The following AKT3 variants were observed in gnomAD, a reference collection of about 807,000 sequenced individuals.
The protein encoded by AKT3 is AKT serine/threonine kinase 3.
In AKT3, 15 loss-of-function variants were observed where a neutral mutation model predicts 65.3. That is an observed-to-expected ratio of 0.23 (90% CI 0.15 to 0.35). AKT3 has a LOEUF of 0.35. Ranked by LOEUF, AKT3 falls within the 10% of genes least tolerant of loss-of-function variation. The probability of loss-of-function intolerance (pLI) is 1.00; values close to 1 mark genes in which losing one functional copy is unlikely to be tolerated. For missense variants in AKT3, 243 were observed against 576.5 expected (o/e 0.42, Z 5.92); for synonymous variants, 206 against 183.8 (o/e 1.12, Z -0.98).
intron 2 of AKT3, among the ~76,000 whole-genome samples, chr1:243,796,566 C>A (rs1462390351): frequency 6.6e-6 from 1 of 152,180 alleles, no homozygotes; most frequent in Non-Finnish European, 1.5e-5. Context: ...TCTCTGATCC[C>A]ATTTAATACC....
At chr1:243,645,631 C>T (rs1028590015) in intron 5 of AKT3, among the ~76,000 whole-genome samples, 9 of 152,118 alleles carry the variant, frequency 5.9e-5, no homozygotes, top group African/African-American at 2.2e-4. Context: ...GGAAAAAATG[C>T]AAATTATAAA....
At chr1:243,744,407 C>A (rs935758869) in intron 2 of AKT3, among the ~76,000 whole-genome samples, 4 of 152,154 alleles carry the variant, frequency 2.6e-5, no homozygotes, top group African/African-American at 7.2e-5. Flanking sequence ...ATGATTCTTT[C>A]ACTTTTATGT....
chr1:243,673,092 T>C (rs1256677823), intron 3 of AKT3, among the ~76,000 whole-genome samples: 2 of 152,238 alleles, frequency 1.3e-5, no homozygotes, highest in Non-Finnish European at 2.9e-5. Context: ...ATGGGCTTTT[T>C]AAAAATGTAG....
At position 243,500,838 on chromosome 1, in the gene AKT3, G is replaced by GAAAC. The variant is rs1294038911; in HGVS notation, c.*4407_*4410dup. The GAAAC allele has an allele frequency of 4.4e-6, 1 of 228,928 alleles. No individual in the cohort carries two copies. The highest frequency in any genetic ancestry group is 8.7e-6 in the Non-Finnish European group (1 of 115,442). The allele number at this position is 228,928 out of a possible 1,614,324, so 14.2% of individuals were successfully genotyped here. On this transcript the variant is annotated 3_prime_UTR_variant, in exon 14 of 14. Transcript: ENST00000673466. ...TTGAGCATGTAAAAGGTTCAAGCCTGAAACAGTAGAACTTCTATTCAGATT... is the reference window on the plus strand; with the variant it reads ...TTGAGCATGTAAAAGGTTCAAGCCTGAAACAAACAGTAGAACTTCTATTCAGATT...
At position 243,499,888 on chromosome 1, in the gene AKT3, CACCGCCTCAGCCTGCAGT is replaced by C; in HGVS notation, c.*5343_*5360del. The stretch of plus-strand genomic sequence containing the variant: ...ACGCACCACGACCTTCCCAGGGTGA[CACCGCCTCAGCCTGCAGT>C]GGGGCTGGTCCTCATCAACGCGGGC... On this transcript the variant is annotated 3_prime_UTR_variant, in exon 14 of 14. Transcript: ENST00000673466. 8.9e-7 allele frequency: 1 copy of C among 1,122,084 alleles called. No individual in the cohort carries two copies. The highest frequency in any genetic ancestry group is 2.5e-5 in the East Asian group (1 of 40,594). The allele number at this position is 1,122,084 out of a possible 1,614,324, so 69.5% of individuals were successfully genotyped here. A position where few individuals can be genotyped will look rare whatever the true frequency, so the allele number is the denominator to read the frequency against.
intron 3 of AKT3, among the ~76,000 whole-genome samples, chr1:243,681,951 T>G (rs567681138): frequency 1.3e-5 from 2 of 152,244 alleles, no homozygotes; most frequent in East Asian, 3.9e-4. Context: ...CTTCCTTAAT[T>G]GCCCTCCTAA....
At chr1:243,790,178 T>C (rs933262991) in intron 2 of AKT3, among the ~76,000 whole-genome samples, 4 of 152,226 alleles carry the variant, frequency 2.6e-5, no homozygotes, top group Non-Finnish European at 4.4e-5. Flanking sequence ...AGGCATTGAC[T>C]TCTCTCTCTA....
chr1:243,665,204 T>C (rs1208634039), intron 3 of AKT3, among the ~76,000 whole-genome samples: 2 of 152,200 alleles, frequency 1.3e-5, no homozygotes, highest in African/African-American at 2.4e-5. Context: ...TCTATCCATA[T>C]GCATCACCTG....
In AKT3 at chr1:243,645,878, GTTA is replaced by G. The variant is rs759697715; in HGVS notation, c.429+12_429+14del. ...CAAATGAATGCTGTGCTGGGAATAA[GTTA>G]TTATTTTCTACCTTTCTTTTATGAT... On this transcript the variant is annotated intron_variant, in intron 5 of 13. Coordinates refer to ENST00000673466, the MANE Select transcript of AKT3 (RefSeq NM_005465.7). 8.1e-6 allele frequency: 13 copies of G among 1,595,320 alleles called. No individual in the cohort carries two copies. Among genetic ancestry groups the G allele is most frequent in the Non-Finnish European group, 1.1e-5 (13 of 1,170,826 alleles).
intron 4 of AKT3, among the ~76,000 whole-genome samples, chr1:243,655,045 G>A (rs1033155051): frequency 6.6e-6 from 1 of 151,930 alleles, no homozygotes; most frequent in Non-Finnish European, 1.5e-5. Flanking sequence ...CTCCTTCTAA[G>A]GCTCCAGTTA....
chr1:243,574,834 T>C (rs1315664417), intron 8 of AKT3, among the ~76,000 whole-genome samples: 2 of 152,034 alleles, frequency 1.3e-5, no homozygotes, highest in African/African-American at 4.8e-5. Context: ...GAGATGAAAA[T>C]AGTGATTAGG....
intron 13 of AKT3, chr1:243,489,215 A>G: frequency 6.4e-7 from 1 of 1,560,876 alleles, no homozygotes; most frequent in Non-Finnish European, 8.7e-7. Context: ...GCACCTCAAC[A>G]GGCCGGCTTT....
At chr1:243,777,536 C>T (rs1690632034) in intron 2 of AKT3, among the ~76,000 whole-genome samples, 2 of 152,170 alleles carry the variant, frequency 1.3e-5, no homozygotes, top group Non-Finnish European at 2.9e-5. Flanking sequence ...TCAGGGATCA[C>T]TAGTGGAAGT....
intron 12 of AKT3, among the ~76,000 whole-genome samples, chr1:243,534,004 AAAAC>A: frequency 6.6e-6 from 1 of 152,280 alleles, no homozygotes; most frequent in Non-Finnish European, 1.5e-5. Context: ...AACAAAAAGA[AAAAC>A]AAAAAAACCT....
intron 2 of AKT3, among the ~76,000 whole-genome samples, chr1:243,790,289 C>T (rs571524728): frequency 6.6e-6 from 1 of 152,328 alleles, no homozygotes; most frequent in African/African-American, 2.4e-5. Context: ...CAATGATCTT[C>T]GCTAGATCTT....
chr1:243,747,140 A>T (rs1216884949), intron 2 of AKT3, among the ~76,000 whole-genome samples: 1 of 152,180 alleles, frequency 6.6e-6, no homozygotes, highest in African/African-American at 2.4e-5. Flanking sequence ...GCCTTTGGGG[A>T]TTAGAGATAG....
intron 2 of AKT3, among the ~76,000 whole-genome samples, chr1:243,749,407 T>G (rs909785680): frequency 1.3e-5 from 2 of 152,074 alleles, no homozygotes; most frequent in African/African-American, 4.8e-5. Context: ...CCCAACCCCA[T>G]CTTTCTCATT....
intron 3 of AKT3, among the ~76,000 whole-genome samples, chr1:243,694,690 G>A (rs886235463): frequency 6.6e-6 from 1 of 151,602 alleles, no homozygotes; most frequent in Non-Finnish European, 1.5e-5. Context: ...AAAAGATCAC[G>A]GCTTTTATAA....
intron 6 of AKT3, among the ~76,000 whole-genome samples, chr1:243,629,225 G>A (rs1679411350): frequency 6.6e-6 from 1 of 152,160 alleles, no homozygotes; most frequent in East Asian, 1.9e-4. Flanking sequence ...GCAGTGAGCT[G>A]AGTTTGCACC....
Sources: allele counts gnomAD v4.1 joint callset (sites outside exome capture counted in the v4.1 genomes callset), GRCh38; gene constraint gnomAD v4.1.1; transcripts MANE v1.5; gene names NCBI Gene and HGNC (gene_info 2026-07-23, HGNC 2026-07-21).